The following MACROD2 variants were observed in gnomAD, a reference collection of about 807,000 sequenced individuals.
MACROD2 encodes the protein ADP-ribose glycohydrolase MACROD2.
In MACROD2, 36 loss-of-function variants were observed where a neutral mutation model predicts 70.4. The ratio of observed to expected loss-of-function variants is 0.51; its 90% CI spans 0.39 to 0.68. The LOEUF (loss-of-function observed/expected upper bound fraction) is 0.68, where lower values mean the gene tolerates loss of function less well. Among genes scored for constraint, MACROD2 ranks in the 30% least tolerant of loss-of-function variants. The pLI, the probability that MACROD2 is intolerant of heterozygous loss-of-function variation, is 0.00. For missense variants in MACROD2, 496 were observed against 538.4 expected (o/e 0.92, Z 0.78); for synonymous variants, 172 against 178.8 (o/e 0.96, Z 0.30).
At chr20:15,182,480 T>C (rs892228560) in intron 5 of MACROD2, among the ~76,000 whole-genome samples, 6 of 152,314 alleles carry the variant, frequency 3.9e-5, no homozygotes, top group Middle Eastern at 3.4e-3. Context: ...TTGATTTTCC[T>C]GGGGCGGAAG....
chr20:15,174,792 A>G (rs530990282), intron 5 of MACROD2, among the ~76,000 whole-genome samples: 2 of 152,154 alleles, frequency 1.3e-5, no homozygotes, highest in African/African-American at 4.8e-5. Context: ...TTTTGGCTGC[A>G]TAAATGTCTT....
intron 5 of MACROD2, among the ~76,000 whole-genome samples, chr20:15,072,391 C>T (rs1419313712): frequency 6.6e-6 from 1 of 152,128 alleles, no homozygotes; most frequent in Admixed American, 6.5e-5. Context: ...ACTGAATCAT[C>T]TAGATAGTAG....
At chr20:14,347,600 G>C (rs2083077184) in intron 3 of MACROD2, among the ~76,000 whole-genome samples, 1 of 152,146 alleles carries the variant, frequency 6.6e-6, no homozygotes, top group African/African-American at 2.4e-5. Context: ...TGCTCTTCCA[G>C]GGAAGAGAGA....
At chr20:15,586,117 C>T (rs2048597513) in intron 8 of MACROD2, among the ~76,000 whole-genome samples, 1 of 152,164 alleles carries the variant, frequency 6.6e-6, no homozygotes, top group Non-Finnish European at 1.5e-5. Flanking sequence ...CCCTAAAATG[C>T]CCTTGTTCAT....
chr20:14,925,581 T>C (rs902524717), intron 5 of MACROD2, among the ~76,000 whole-genome samples: 1 of 152,172 alleles, frequency 6.6e-6, no homozygotes, highest in Non-Finnish European at 1.5e-5. Context: ...GCAGAATACA[T>C]ACAGAAGGCT....
chr20:14,361,666 G>C (rs1300379351), intron 3 of MACROD2, among the ~76,000 whole-genome samples: 2 of 152,156 alleles, frequency 1.3e-5, no homozygotes, highest in Non-Finnish European at 2.9e-5. Context: ...AGGGTGAACA[G>C]GGTCATTTAA....
chr20:14,753,573 G>A (rs1236607485), intron 5 of MACROD2, among the ~76,000 whole-genome samples: 2 of 151,618 alleles, frequency 1.3e-5, no homozygotes, highest in African/African-American at 4.9e-5. Flanking sequence ...CTTTCTTTTA[G>A]TGCTTACATA....
chr20:14,304,269 A>G (rs1421201291), intron 3 of MACROD2, among the ~76,000 whole-genome samples: 1 of 152,226 alleles, frequency 6.6e-6, no homozygotes, highest in Admixed American at 6.5e-5. Flanking sequence ...CGAACATAAT[A>G]TTCCAAACGT....
chr20:14,214,529 A>G (rs1347682753), intron 3 of MACROD2, among the ~76,000 whole-genome samples: 2 of 151,884 alleles, frequency 1.3e-5, no homozygotes, highest in African/African-American at 4.8e-5. Flanking sequence ...AATTTTTTTA[A>G]CATTTAACCT....
chr20:14,695,177 G>A (rs893282968), intron 5 of MACROD2, among the ~76,000 whole-genome samples: 1 of 152,112 alleles, frequency 6.6e-6, no homozygotes, highest in Non-Finnish European at 1.5e-5. Flanking sequence ...CAAAATCAAG[G>A]TGTCAGCAGG....
At chr20:15,131,565 A>G (rs79429918) in intron 5 of MACROD2, among the ~76,000 whole-genome samples, 2 of 152,240 alleles carry the variant, frequency 1.3e-5, no homozygotes, top group African/African-American at 4.8e-5. Flanking sequence ...AACGATCATG[A>G]GATTGAGGAT....
chr20:15,174,999 CT>C (rs2145893553), intron 5 of MACROD2, among the ~76,000 whole-genome samples: 2 of 152,028 alleles, frequency 1.3e-5, no homozygotes, highest in South Asian at 4.1e-4. Context: ...TGCAGAAGCT[CT>C]TTAGTTTAAT....
intron 15 of MACROD2, among the ~76,000 whole-genome samples, chr20:15,999,376 A>G (rs1298000091): frequency 6.6e-6 from 1 of 152,134 alleles, no homozygotes; most frequent in Non-Finnish European, 1.5e-5. Context: ...TGAACTTAAG[A>G]TTTGCTTTAT....
chr20:15,962,146 A>G (rs565384639), intron 12 of MACROD2, among the ~76,000 whole-genome samples: 54 of 152,296 alleles, frequency 3.5e-4, no homozygotes, highest in Admixed American at 1.9e-3. Context: ...TGCACACCTT[A>G]CTGCTTCTCC....
chr20:14,760,990 G>A (rs1001288139), intron 5 of MACROD2, among the ~76,000 whole-genome samples: 3 of 152,014 alleles, frequency 2.0e-5, no homozygotes, highest in Admixed American at 6.6e-5. Context: ...CAGTATCGAG[G>A]CTGTTAGCCA....
chr20:15,691,405 T>C (rs1471624859), intron 8 of MACROD2, among the ~76,000 whole-genome samples: 4 of 152,234 alleles, frequency 2.6e-5, no homozygotes, highest in Admixed American at 2.6e-4. Context: ...TCCTACTATG[T>C]GCCAGGTACC....
chr20:15,147,156 C>A (rs62202829), intron 5 of MACROD2, among the ~76,000 whole-genome samples: 12,388 of 152,178 alleles, frequency 0.081, 611 homozygotes, highest in Middle Eastern at 0.15. Flanking sequence ...GGGAGCTCCA[C>A]ATGGCATATT....
intron 10 of MACROD2, among the ~76,000 whole-genome samples, chr20:15,932,964 G>T (rs552285531): frequency 3.3e-5 from 5 of 152,288 alleles, no homozygotes; most frequent in South Asian, 2.1e-4. Flanking sequence ...AAGTGGACTG[G>T]AGTTGAAGTT....
At chr20:14,642,231 C>T (rs1292216472) in intron 4 of MACROD2, among the ~76,000 whole-genome samples, 1 of 152,168 alleles carries the variant, frequency 6.6e-6, no homozygotes, top group Non-Finnish European at 1.5e-5. Flanking sequence ...TCTCAGACTT[C>T]ATAGAATAGA....
Sources: allele counts gnomAD v4.1 joint callset (sites outside exome capture counted in the v4.1 genomes callset), GRCh38; gene constraint gnomAD v4.1.1; transcripts MANE v1.5; gene names NCBI Gene and HGNC (gene_info 2026-07-23, HGNC 2026-07-21).